STAG1: variants seen among roughly 807,000 people sequenced by gnomAD.
STAG1 encodes the protein STAG1 cohesin complex component, also known as cohesin subunit SA-1.
Under a neutral mutation model 170.9 loss-of-function variants are expected in STAG1, and 26 were observed. The ratio of observed to expected loss-of-function variants is 0.15; its 90% CI spans 0.11 to 0.21. The LOEUF is 0.21. STAG1 is among the 10% of genes least tolerant of loss of function. The pLI is 1.00. For synonymous variants in STAG1, 514 were observed against 497.7 expected (o/e 1.03, Z -0.44); for missense variants, 964 against 1,509.5 (o/e 0.64, Z 5.99).
chr3:136,448,616 A>C (rs1302508409), intron 14 of STAG1, among the ~76,000 whole-genome samples: 1 of 152,150 alleles, frequency 6.6e-6, no homozygotes, highest in Non-Finnish European at 1.5e-5. Context: ...GGACAGGGCC[A>C]AACCATATCA....
At chr3:136,740,435 T>C (rs558910912) in intron 1 of STAG1, among the ~76,000 whole-genome samples, 5 of 152,302 alleles carry the variant, frequency 3.3e-5, no homozygotes, top group South Asian at 2.1e-4. Flanking sequence ...CACAGGGTTA[T>C]TGTAAAATGT....
At chr3:136,614,550 A>C (rs1939483702) in intron 3 of STAG1, among the ~76,000 whole-genome samples, 1 of 152,248 alleles carries the variant, frequency 6.6e-6, no homozygotes, top group African/African-American at 2.4e-5. Context: ...GGAAGTCATT[A>C]ATCTTCACTG....
chr3:136,752,008 C>A (rs1165507375), intron 1 of STAG1, among the ~76,000 whole-genome samples, 187 bp downstream of exon 1: 4 of 150,876 alleles, frequency 2.7e-5, no homozygotes, highest in African/African-American at 9.7e-5. Flanking sequence ...ACCGCCGCAC[C>A]CCGCACAGGC....
intron 6 of STAG1, among the ~76,000 whole-genome samples, chr3:136,527,771 T>A (rs924951932): frequency 2.0e-5 from 3 of 152,192 alleles, no homozygotes; most frequent in African/African-American, 7.2e-5. Context: ...TTGGTGTGGA[T>A]GTCCTTTCTG....
At chr3:136,452,251 G>T in intron 13 of STAG1, 104 bp from the exon 14 acceptor site, 1 of 725,278 alleles carries the variant, frequency 1.4e-6, no homozygotes, top group South Asian at 1.6e-5. Context: ...ACAACAAAAA[G>T]GGGGAGCAGG....
intron 1 of STAG1, among the ~76,000 whole-genome samples, chr3:136,728,744 A>T (rs1274570801): frequency 6.6e-6 from 1 of 152,234 alleles, no homozygotes; most frequent in Non-Finnish European, 1.5e-5. Context: ...ATCACTGCAG[A>T]AAGTTACATT....
chr3:136,591,210 C>CT (rs1938148271), intron 4 of STAG1, among the ~76,000 whole-genome samples: 1 of 55,602 alleles, frequency 1.8e-5, no homozygotes, highest in Non-Finnish European at 3.3e-5. Flanking sequence ...TGGACAGAGT[C>CT]TTTTTTCAAA....
chr3:136,550,020 C>T lies in STAG1; in HGVS notation c.395-7825G>A, dbSNP rs150829935. On this transcript the variant is annotated intron_variant, in intron 5 of 33. Transcript: ENST00000383202. The stretch of plus-strand genomic sequence containing the variant: ...AATAATATGCTGTTAAATTTGGTTG[C>T]TAGTCTTTTGTTTAGGACTTTTTGC... 2.0e-5 allele frequency among the ~76,000 whole-genome samples: 3 copies of T among 152,244 alleles called. No individual in the cohort carries two copies. In the East Asian group the frequency reaches 5.8e-4, roughly 29 times the overall value.
At chr3:136,687,824 C>T (rs558790849) in intron 1 of STAG1, among the ~76,000 whole-genome samples, 3 of 151,916 alleles carry the variant, frequency 2.0e-5, no homozygotes, top group Admixed American at 6.6e-5. Context: ...GCAACCTCCA[C>T]CTCCTGGGTT....
chr3:136,656,923 A>G (rs1225659660), intron 1 of STAG1, among the ~76,000 whole-genome samples: 1 of 152,128 alleles, frequency 6.6e-6, no homozygotes, highest in Non-Finnish European at 1.5e-5. Context: ...CTCTTCTAAA[A>G]ATATTTCCTA....
At chr3:136,528,413 G>C (rs112721512) in intron 6 of STAG1, among the ~76,000 whole-genome samples, 7 of 151,306 alleles carry the variant, frequency 4.6e-5, no homozygotes, top group African/African-American at 1.5e-4. Flanking sequence ...TATCAATTAA[G>C]GAAACAGGAA....
chr3:136,519,775 A>G (rs1934579676), intron 7 of STAG1, among the ~76,000 whole-genome samples: 1 of 152,142 alleles, frequency 6.6e-6, no homozygotes, highest in Admixed American at 6.6e-5. Flanking sequence ...AAAGATAAAC[A>G]GGGTAAAAAA....
At chr3:136,640,193 G>C (rs1018034165) in intron 1 of STAG1, among the ~76,000 whole-genome samples, 2 of 152,116 alleles carry the variant, frequency 1.3e-5, no homozygotes, top group Non-Finnish European at 2.9e-5. Context: ...AAGATAACAA[G>C]TTGTAGTGGT....
At chr3:136,423,370 G>A (rs192333925) in intron 16 of STAG1, among the ~76,000 whole-genome samples, 35 of 152,266 alleles carry the variant, frequency 2.3e-4, no homozygotes, top group African/African-American at 8.2e-4. Context: ...TGTGTTAACA[G>A]TGATCTTCCT....
At chr3:136,390,094 T>C (rs778891393) in intron 22 of STAG1, among the ~76,000 whole-genome samples, 59 of 152,176 alleles carry the variant, frequency 3.9e-4, no homozygotes, top group Middle Eastern at 3.4e-3. Flanking sequence ...GCCACCCAAA[T>C]TGCTGGGATT....
intron 13 of STAG1, 62 bp downstream of exon 13, chr3:136,464,819 T>A: frequency 7.1e-7 from 1 of 1,409,226 alleles, no homozygotes; most frequent in East Asian, 2.4e-5. Context: ...TTCTACAAAC[T>A]CTAAAACAAC....
chr3:136,396,519 C>CTTTT (rs1560085070), intron 22 of STAG1, among the ~76,000 whole-genome samples: 1 of 78,272 alleles, frequency 1.3e-5, no homozygotes, highest in Non-Finnish European at 2.5e-5. Context: ...CCGCGCCTGG[C>CTTTT]CTTTTTTTTT....
At chr3:136,455,279 G>T (rs28681640) in intron 13 of STAG1, among the ~76,000 whole-genome samples, 1 of 152,134 alleles carries the variant, frequency 6.6e-6, no homozygotes, top group Non-Finnish European at 1.5e-5. Context: ...GAATATGCTA[G>T]AACTCTGAAG....
intron 4 of STAG1, among the ~76,000 whole-genome samples, chr3:136,603,941 T>C (rs965500559): frequency 2.6e-5 from 4 of 152,162 alleles, no homozygotes; most frequent in African/African-American, 9.7e-5. Flanking sequence ...GTTCTGGTTA[T>C]TCCTAATTCA....
Sources: gnomAD v4.1 joint callset for allele counts (sites outside exome capture counted in the v4.1 genomes callset) on GRCh38, gnomAD v4.1.1 for gene constraint, MANE v1.5 for transcripts, NCBI Gene and HGNC (gene_info 2026-07-23, HGNC 2026-07-21) for gene names.